Variants in DHX35 observed in about 807,000 individuals in gnomAD.
The protein encoded by DHX35 is probable ATP-dependent RNA helicase DHX35.
A neutral mutation model predicts 99.6 loss-of-function variants in DHX35; 84 were observed. The ratio of observed to expected loss-of-function variants is 0.84; its 90% CI spans 0.71 to 1.01. The LOEUF is 1.01. DHX35 is among the 50% of genes least tolerant of loss of function. The pLI is 0.00. For missense variants in DHX35, 852 were observed against 888.5 expected (o/e 0.96, Z 0.52); for synonymous variants, 331 against 316.2 (o/e 1.05, Z -0.50).
At chr20:39,023,454 C>T (rs1481831094) in intron 16 of DHX35, among the ~76,000 whole-genome samples, 2 of 151,980 alleles carry the variant, frequency 1.3e-5, no homozygotes, top group African/African-American at 4.8e-5. Context: ...TGGGCTCAAG[C>T]GATCCTTCCA....
chr20:38,963,839 C>T (rs1428801929), intron 1 of DHX35, among the ~76,000 whole-genome samples: 1 of 152,154 alleles, frequency 6.6e-6, no homozygotes, highest in East Asian at 1.9e-4. Context: ...GTTAGATGTC[C>T]TCTAGAAGAG....
Position 39,018,762 on chromosome 20 carries a change from A to C in DHX35, c.1403-42A>C, listed in dbSNP as rs777390323. The C allele has an allele frequency of 3.1e-6, 5 of 1,587,566 alleles. No homozygotes were observed. In the South Asian group the frequency reaches 4.4e-5, roughly 14 times the overall value. On this transcript the variant is annotated intron_variant, in intron 14 of 21. Transcript: ENST00000252011. Reference sequence around the variant, plus strand: ...CAGCAACTGTGTGCCTTCCAACACAATGGTACCTGCCTTCTGATTTCTTTT... The same window carrying C: ...CAGCAACTGTGTGCCTTCCAACACACTGGTACCTGCCTTCTGATTTCTTTT...
In DHX35 at chr20:39,030,766, C is replaced by G; in HGVS notation, c.1946C>G (p.Pro649Arg). The G allele has an allele frequency of 6.2e-7, 1 of 1,614,140 alleles. No individual in the cohort carries two copies. The highest frequency in any genetic ancestry group is 1.3e-5 in the African/African-American group (1 of 75,054). The change falls in exon 20 of 22, where the codon CCG (proline) becomes CGG (arginine). Residue 649 changes from proline to arginine, a missense_variant. By Grantham distance (103) the Pro-to-Arg change is moderately radical (BLOSUM62 -2). Transcript: ENST00000252011. ...HPASVLYAEK[P>R]PRWVIYNEVI... ...GCGTCAGTCCTCTATGCAGAGAAGC[C>G]GCCTCGCTGGTAAGCTCATCCTGCT...
intron 3 of DHX35, among the ~76,000 whole-genome samples, chr20:38,982,102 C>T (rs117087625): frequency 3.5e-4 from 53 of 152,202 alleles, no homozygotes; most frequent in Admixed American, 9.2e-4. Context: ...TCTGTCTATC[C>T]ATCTATATTT....
chr20:38,988,650 T>C lies in DHX35; in HGVS notation c.346-163T>C, dbSNP rs2086285439. On this transcript the variant is annotated intron_variant, in intron 4 of 21. Transcript: ENST00000252011. ...GTCTCAATAATAATAATAATAAAAATTGCAAAAGTTATTATGCTTGTTCTC... is the reference window on the plus strand; with the variant it reads ...GTCTCAATAATAATAATAATAAAAACTGCAAAAGTTATTATGCTTGTTCTC... 3 of 960,142 alleles carry C rather than the reference T, an allele frequency of 3.1e-6. No homozygotes were observed. In the Admixed American group the frequency reaches 9.2e-5, roughly 30 times the overall value. 59.5% of individuals were successfully genotyped at this position (960,142 alleles called of 1,614,324 possible).
intron 7 of DHX35, among the ~76,000 whole-genome samples, chr20:38,993,626 A>G (rs536119036): frequency 2.0e-5 from 3 of 151,602 alleles, no homozygotes; most frequent in Non-Finnish European, 2.9e-5. Context: ...CGGCCTCCCA[A>G]AGTGTTGGGA....
intron 12 of DHX35, among the ~76,000 whole-genome samples, chr20:39,008,401 A>G (rs2086651794): frequency 1.3e-5 from 2 of 152,184 alleles, no homozygotes; most frequent in Non-Finnish European, 2.9e-5. Flanking sequence ...ACAGGGTTAT[A>G]TGTAATTTTG....
At chr20:38,976,701 ATATAAC>A (rs760215541) in intron 3 of DHX35, among the ~76,000 whole-genome samples, 47 of 152,206 alleles carry the variant, frequency 3.1e-4, no homozygotes, top group Middle Eastern at 3.4e-3. Context: ...TATTCCTCCT[ATATAAC>A]TATAACTCTG....
At chr20:39,014,238 C>G (rs2086746824) in intron 13 of DHX35, among the ~76,000 whole-genome samples, 1 of 152,100 alleles carries the variant, frequency 6.6e-6, no homozygotes, top group Non-Finnish European at 1.5e-5. Flanking sequence ...AAATATGATG[C>G]CTGGCACTTA....
At chr20:39,005,339 A>T (rs979996959) in intron 11 of DHX35, among the ~76,000 whole-genome samples, 3 of 152,036 alleles carry the variant, frequency 2.0e-5, no homozygotes, top group African/African-American at 7.2e-5. Flanking sequence ...CTCATCTTGT[A>T]CTTTGTATTT....
chr20:39,025,204 C>T (rs765844205), intron 17 of DHX35, 26 bp from the exon 18 acceptor site: 2 of 1,593,490 alleles, frequency 1.3e-6, no homozygotes, highest in Admixed American at 1.8e-5. Context: ...TGTTTTCTAA[C>T]TCCCTCTCTC....
At chr20:39,013,893 G>C (rs553086768) in intron 13 of DHX35, among the ~76,000 whole-genome samples, 1 of 152,120 alleles carries the variant, frequency 6.6e-6, no homozygotes, top group Admixed American at 6.6e-5. Flanking sequence ...CTGTGTGTAC[G>C]GTCACTACAA....
At chr20:39,009,651 G>A (rs1357999380) in intron 12 of DHX35, among the ~76,000 whole-genome samples, 2 of 151,940 alleles carry the variant, frequency 1.3e-5, no homozygotes, top group Non-Finnish European at 2.9e-5. Flanking sequence ...TTCTTCCAAA[G>A]TCTCTTCTCC....
At chr20:38,997,734 A>C (rs2086453247) in intron 8 of DHX35, among the ~76,000 whole-genome samples, 1 of 152,132 alleles carries the variant, frequency 6.6e-6, no homozygotes, top group Non-Finnish European at 1.5e-5. Context: ...TGAGGGGCCT[A>C]CGTGAGGTAT....
At chr20:39,033,530 A>T (rs751514860) in intron 20 of DHX35, among the ~76,000 whole-genome samples, 1 of 151,822 alleles carries the variant, frequency 6.6e-6, no homozygotes, top group Non-Finnish European at 1.5e-5. Context: ...CTGGTTTTTG[A>T]GGGGTGGGGA....
rs144637711 is a variant in DHX35 at position 39,001,837 on chromosome 20, A to T, written c.750A>T (p.Leu250=). 1,491 of 1,609,138 alleles carry T rather than the reference A, an allele frequency of 9.3e-4. 1 individual carries two copies. Among genetic ancestry groups the T allele is most frequent in the Middle Eastern group, 1.5e-3 (9 of 6,052 alleles). The stretch of plus-strand genomic sequence containing the variant: ...CATTTCCGGTGGATATCTTTTATCT[A>T]CAAAGGTTTGATGATGCTTGAATTC... ...GRTFPVDIFY[L]QSPVPDYIKS... The change falls in exon 9 of 22, where the codon CTA becomes CTT. Residue 250 remains leucine (L), a synonymous_variant. Transcript: ENST00000252011.
chr20:38,991,650 G>T, intron 6 of DHX35, 135 bp downstream of exon 6: 1 of 673,164 alleles, frequency 1.5e-6, no homozygotes, highest in Non-Finnish European at 2.4e-6. Context: ...CTTGGCTGTT[G>T]GGACCCTTGG....
At chr20:39,017,696 T>C (rs1459089226) in intron 14 of DHX35, among the ~76,000 whole-genome samples, 2 of 152,172 alleles carry the variant, frequency 1.3e-5, no homozygotes, top group African/African-American at 4.8e-5. Flanking sequence ...ATCCAATACC[T>C]GGATATTGGC....
At chr20:39,003,395 C>G (rs2145898084) in intron 10 of DHX35, among the ~76,000 whole-genome samples, 1 of 152,298 alleles carries the variant, frequency 6.6e-6, no homozygotes, top group African/African-American at 2.4e-5. Flanking sequence ...AGAAAGCTTA[C>G]AGTGATTTTA....
Sources: gnomAD v4.1 joint callset for allele counts (sites outside exome capture counted in the v4.1 genomes callset) on GRCh38, gnomAD v4.1.1 for gene constraint, MANE v1.5 for transcripts, NCBI Gene and HGNC (gene_info 2026-07-23, HGNC 2026-07-21) for gene names.